Variants in RBMS1 observed in about 807,000 individuals in gnomAD.
RBMS1 encodes RNA binding motif single stranded interacting protein 1.
RBMS1 carries 17 observed loss-of-function variants against 62.3 expected under a neutral mutation model. The ratio of observed to expected loss-of-function variants is 0.27; its 90% CI spans 0.19 to 0.41. The LOEUF (loss-of-function observed/expected upper bound fraction) is 0.41, where lower values mean the gene tolerates loss of function less well. RBMS1 is among the 10% of genes least tolerant of loss of function. The pLI, the probability that RBMS1 is intolerant of heterozygous loss-of-function variation, is 1.00. For missense variants in RBMS1, 334 were observed against 504.5 expected, an observed-to-expected ratio of 0.66 and a Z score of 3.24; for synonymous variants, 172 against 170.0, an observed-to-expected ratio of 1.01 and a Z score of -0.09.
chr2:160,390,439 T>C (rs1405494010), intron 1 of RBMS1, among the ~76,000 whole-genome samples: 3 of 152,126 alleles, frequency 2.0e-5, no homozygotes, highest in Non-Finnish European at 2.9e-5. Context: ...GCCTGTAATC[T>C]CAACACTTCG....
chr2:160,337,455 A>G (rs966308785), intron 2 of RBMS1, among the ~76,000 whole-genome samples: 7 of 151,976 alleles, frequency 4.6e-5, no homozygotes, highest in East Asian at 1.9e-4. Context: ...TTTCCTTTCA[A>G]TGTACTTGGT....
intron 1 of RBMS1, among the ~76,000 whole-genome samples, chr2:160,388,567 A>G (rs1381179170): frequency 6.6e-6 from 1 of 152,136 alleles, no homozygotes; most frequent in East Asian, 1.9e-4. Context: ...CTCCCAAAGC[A>G]GCCCCATCTT....
intron 2 of RBMS1, 27 bp downstream of exon 2, chr2:160,367,189 A>C: frequency 6.3e-7 from 1 of 1,599,242 alleles, no homozygotes; most frequent in East Asian, 2.2e-5. Context: ...CTTAGCAGCT[A>C]AAATAATAGG....
In RBMS1 at chr2:160,276,368, CCAA is replaced by C. The variant is rs200340808; in HGVS notation, c.1144-657_1144-655del. 2.3e-3 allele frequency among the ~76,000 whole-genome samples: 344 copies of C among 150,968 alleles called. 4 individuals are homozygous for C. Among genetic ancestry groups the C allele is most frequent in the African/African-American group, 7.8e-3 (321 of 41,018 alleles). ...ACCACCACCACCACCACCACCACCA[CCAA>C]CACCTACTACTACTACTACTGCTAC... On this transcript the variant is annotated intron_variant, in intron 12 of 13. Coordinates refer to ENST00000348849, the MANE Select transcript of RBMS1 (RefSeq NM_016836.4).
At chr2:160,471,717 A>ATATATATATATATATATATAT (rs1422014155) in intron 1 of RBMS1, among the ~76,000 whole-genome samples, 61 of 53,924 alleles carry the variant, frequency 1.1e-3, no homozygotes, top group East Asian at 4.4e-3. Flanking sequence ...ATATATATAT[A>ATATATATATATATATATATAT]ACCTTTCATA....
chr2:160,318,107 T>G, intron 3 of RBMS1, 62 bp downstream of exon 3: 1 of 1,561,450 alleles, frequency 6.4e-7, no homozygotes. Flanking sequence ...AAAGATCAGG[T>G]TTTAAATTCC....
At chr2:160,478,531 T>C in intron 1 of RBMS1, among the ~76,000 whole-genome samples, 1 of 152,236 alleles carries the variant, frequency 6.6e-6, no homozygotes, top group Admixed American at 6.5e-5. Context: ...TTAGTTTAAA[T>C]TATACTTTCT....
At chr2:160,463,183 A>C (rs1368729992) in intron 1 of RBMS1, among the ~76,000 whole-genome samples, 1 of 152,232 alleles carries the variant, frequency 6.6e-6, no homozygotes, top group African/African-American at 2.4e-5. Flanking sequence ...AGTAGTTTTC[A>C]CATAAAAGAA....
intron 1 of RBMS1, among the ~76,000 whole-genome samples, chr2:160,453,285 T>C (rs993858757): frequency 1.3e-5 from 2 of 152,016 alleles, no homozygotes; most frequent in Non-Finnish European, 2.9e-5. Flanking sequence ...AATTAAGGCC[T>C]GTAAAAAAGA....
chr2:160,326,460 G>A (rs1333880961), intron 2 of RBMS1, among the ~76,000 whole-genome samples: 1 of 152,170 alleles, frequency 6.6e-6, no homozygotes, highest in Non-Finnish European at 1.5e-5. Flanking sequence ...AAATCTAGGT[G>A]GGCTCTGTAG....
chr2:160,331,482 T>A (rs1264653920), intron 2 of RBMS1, among the ~76,000 whole-genome samples: 1 of 152,188 alleles, frequency 6.6e-6, no homozygotes, highest in South Asian at 2.1e-4. Context: ...TCTGCATGGC[T>A]GTCATCCCCA....
intron 1 of RBMS1, 27 bp from the exon 2 acceptor site, chr2:160,367,418 G>A: frequency 6.2e-7 from 1 of 1,613,192 alleles, no homozygotes. Context: ...AGGAGCCTTA[G>A]TATGCTAGCA....
intron 1 of RBMS1, among the ~76,000 whole-genome samples, chr2:160,484,521 T>A (rs548682651): frequency 4.5e-4 from 67 of 149,520 alleles, no homozygotes; most frequent in Admixed American, 1.3e-3. Flanking sequence ...AACAAAAAAA[T>A]GTACGCCATC....
chr2:160,417,606 T>G (rs2105263569), intron 1 of RBMS1, among the ~76,000 whole-genome samples: 1 of 152,292 alleles, frequency 6.6e-6, no homozygotes, highest in African/African-American at 2.4e-5. Flanking sequence ...AGATGTTAAT[T>G]GACATTTGAA....
At chr2:160,425,579 A>T (rs1682517832) in intron 1 of RBMS1, among the ~76,000 whole-genome samples, 1 of 152,298 alleles carries the variant, frequency 6.6e-6, no homozygotes, top group South Asian at 2.1e-4. Context: ...CATCACTTGG[A>T]AAGTGAATCA....
intron 12 of RBMS1, 83 bp from the exon 13 acceptor site, chr2:160,275,797 G>C (rs1687805962): frequency 6.3e-7 from 1 of 1,581,964 alleles, no homozygotes. Flanking sequence ...GAATCCAACA[G>C]TGCCTTAAAA....
chr2:160,285,813 A>C (rs1458887590), intron 7 of RBMS1, among the ~76,000 whole-genome samples: 1 of 151,872 alleles, frequency 6.6e-6, no homozygotes, highest in Non-Finnish European at 1.5e-5. Context: ...TATCTCTATA[A>C]AAATTTTAAA....
chr2:160,405,211 T>G (rs1425000413), intron 1 of RBMS1, among the ~76,000 whole-genome samples: 3 of 151,956 alleles, frequency 2.0e-5, no homozygotes, highest in Non-Finnish European at 4.4e-5. Flanking sequence ...TCCAAACCAT[T>G]ACGGTGTTTT....
chr2:160,397,872 T>C (rs1481527436), intron 1 of RBMS1, among the ~76,000 whole-genome samples: 1 of 152,140 alleles, frequency 6.6e-6, no homozygotes, highest in African/African-American at 2.4e-5. Flanking sequence ...ACTCTCCGGA[T>C]TCTCTCAGTT....
Sources: gnomAD v4.1 joint callset for allele counts (sites outside exome capture counted in the v4.1 genomes callset) on GRCh38, gnomAD v4.1.1 for gene constraint, MANE v1.5 for transcripts, NCBI Gene and HGNC (gene_info 2026-07-23, HGNC 2026-07-21) for gene names.